The following ACADSB variants were observed in gnomAD, a reference collection of about 807,000 sequenced individuals.
ACADSB encodes the protein acyl-CoA dehydrogenase short/branched chain, also known as short/branched chain specific acyl-CoA dehydrogenase, mitochondrial.
A neutral mutation model predicts 54.1 loss-of-function variants in ACADSB; 40 were observed. That is an observed-to-expected ratio of 0.74 (90% CI 0.57 to 0.96). The LOEUF is 0.96. ACADSB is among the 40% of genes least tolerant of loss of function. The pLI is 0.00. For synonymous variants in ACADSB, 182 were observed against 182.8 expected, an observed-to-expected ratio of 1.00 and a Z score of 0.03; for missense variants, 530 against 510.4, an observed-to-expected ratio of 1.04 and a Z score of -0.37.
At position 123,047,204 on chromosome 10, in the gene ACADSB, A is replaced by G. The variant is rs1850572260; in HGVS notation, c.901-5A>G. 1 of 1,596,080 alleles carries G rather than the reference A, an allele frequency of 6.3e-7. No individual in the cohort carries two copies. The highest frequency in any genetic ancestry group is 1.1e-5 in the South Asian group (1 of 90,762). Reference sequence around the variant, plus strand: ...AATTCTGATCTTATTTTTTTGTTTTAACAGATGCTGGGACTGGCGCAAGGA... The same window carrying G: ...AATTCTGATCTTATTTTTTTGTTTTGACAGATGCTGGGACTGGCGCAAGGA... On this transcript the variant is annotated splice_polypyrimidine_tract_variant and splice_region_variant and intron_variant, in intron 7 of 10. Coordinates refer to ENST00000358776, the MANE Select transcript of ACADSB (RefSeq NM_001609.4).
intron 7 of ACADSB, among the ~76,000 whole-genome samples, chr10:123,045,158 TATATATATA>T (rs1211470596): frequency 0.037 from 565 of 15,340 alleles, 15 homozygotes; most frequent in Non-Finnish European, 0.054. Context: ...TATATATATA[TATATATATA>T]TATATTTTTT....
intron 1 of ACADSB, among the ~76,000 whole-genome samples, chr10:123,031,067 A>G (rs1443642362): frequency 6.6e-6 from 1 of 152,234 alleles, no homozygotes; most frequent in Non-Finnish European, 1.5e-5. Context: ...GTGAATTTGA[A>G]GTAGTGAAGA....
chr10:123,045,151 ATATATATATATATATATATAT>A (rs1221836953), intron 7 of ACADSB, among the ~76,000 whole-genome samples: 5 of 8,922 alleles, frequency 5.6e-4, no homozygotes, highest in African/African-American at 1.1e-3. Flanking sequence ...ATATATATAT[ATATATATATATATATATATAT>A]TTTTTTTTTT....
chr10:123,032,310 T>A (rs953146096), intron 1 of ACADSB, among the ~76,000 whole-genome samples: 16 of 152,072 alleles, frequency 1.1e-4, no homozygotes, highest in African/African-American at 3.6e-4. Context: ...TAAACTTAGG[T>A]ACAAAGGTGA....
rs886046781 is a variant in ACADSB, at chr10:123,053,102, G to T, written c.1170G>T (p.Gly390=). 6.2e-7 allele frequency: 1 copy of T among 1,614,062 alleles called. No homozygotes were observed. Among genetic ancestry groups the T allele is most frequent in the Non-Finnish European group, 8.5e-7 (1 of 1,179,976 alleles). ...CGAGTAAATGTATCGAGTGGATGGG[G>T]GGAGTAGGCTACACCAAAGATTACC... ...QTTSKCIEWM[G]GVGYTKDYPV... Residue 390 remains glycine, a synonymous_variant, in exon 10 of 11, where the codon GGG becomes GGT. Coordinates refer to ENST00000358776, the MANE Select transcript of ACADSB (RefSeq NM_001609.4).
Position 123,034,474 on chromosome 10 carries a change from T to C in ACADSB, c.161T>C (p.Leu54Pro). 6.2e-7 allele frequency: 1 copy of C among 1,612,158 alleles called. No individual in the cohort carries two copies. The highest frequency in any genetic ancestry group is 1.1e-5 in the South Asian group (1 of 91,084). Reference protein sequence around the residue: ...ITNNGIHFAPLQTFTDEEMMI... With the variant: ...ITNNGIHFAPPQTFTDEEMMI... ...AATAATGGAATACACTTTGCTCCCC[T>C]GCAAACATTTACAGATGAGGAAATG... The change falls in exon 2 of 11, where the codon CTG becomes CCG. Residue 54 changes from leucine to proline, a missense_variant. Physicochemically the swap from Leu to Pro is moderately conservative, Grantham distance 98. Coordinates refer to ENST00000358776, the MANE Select transcript of ACADSB (RefSeq NM_001609.4).
chr10:123,051,098 G>C lies in ACADSB; in HGVS notation c.1040G>C (p.Arg347Thr), dbSNP rs779328148. The change falls in exon 9 of 11, where the codon AGA becomes ACA. Residue 347 changes from arginine (R) to threonine (T), a missense_variant. Coordinates refer to ENST00000358776, the MANE Select transcript of ACADSB (RefSeq NM_001609.4). ...GTGGCCACCCAGCTGGAAGCTGCAA[G>C]ATTACTAACATACAATGCTGCTAGG... ...AHVATQLEAA[R>T]LLTYNAARLL... 6.4e-7 allele frequency: 1 copy of C among 1,572,492 alleles called. No individual in the cohort carries two copies. Among genetic ancestry groups the C allele is most frequent in the Non-Finnish European group, 8.6e-7 (1 of 1,160,442 alleles).
rs7082138 is a variant in ACADSB at position 123,038,880 on chromosome 10, C to T, written c.303+1033C>T. Among the ~76,000 whole-genome samples the T allele has an allele frequency of 9.2e-3, 1,397 of 152,240 alleles. 29 individuals are homozygous for T. The highest frequency in any genetic ancestry group is 0.029 in the African/African-American group (1,217 of 41,532). On this transcript the variant is annotated intron_variant, in intron 3 of 10. Transcript: ENST00000358776. Reference sequence around the variant, plus strand: ...TGGACTCTGTGAGTCCATTTCTCAGCCAGGTTTTATTTCTATTGCTTGCAG... The same window carrying T: ...TGGACTCTGTGAGTCCATTTCTCAGTCAGGTTTTATTTCTATTGCTTGCAG...
At chr10:123,022,537 T>C (rs1383871141) in intron 1 of ACADSB, among the ~76,000 whole-genome samples, 1 of 152,244 alleles carries the variant, frequency 6.6e-6, no homozygotes, top group East Asian at 1.9e-4. Context: ...TAAGAGAAAG[T>C]ACCGCACGTG....
intron 1 of ACADSB, among the ~76,000 whole-genome samples, chr10:123,032,612 G>A (rs1221464867): frequency 3.1e-5 from 4 of 127,368 alleles, no homozygotes; most frequent in Admixed American, 1.7e-4. Context: ...TTTTTGAGAC[G>A]GAGTTTCGCT....
chr10:123,045,745 A>C (rs1016412352), intron 7 of ACADSB, among the ~76,000 whole-genome samples: 1 of 152,222 alleles, frequency 6.6e-6, no homozygotes, highest in Non-Finnish European at 1.5e-5. Flanking sequence ...ATGACATTAG[A>C]AACTGCAATA....
chr10:123,037,632 A>G (rs1850416942), intron 2 of ACADSB, 115 bp from the exon 3 acceptor site: 4 of 666,698 alleles, frequency 6.0e-6, no homozygotes, highest in Non-Finnish European at 1.0e-5. Context: ...TTTTAAAAAT[A>G]TAAGAAGGGT....
Position 123,053,116 on chromosome 10 carries a change from C to T in ACADSB, c.1184C>T (p.Thr395Ile), listed in dbSNP as rs752034695. 6.2e-6 allele frequency: 10 copies of T among 1,613,856 alleles called. No individual in the cohort carries two copies. Among genetic ancestry groups the T allele is most frequent in the South Asian group, 2.2e-5 (2 of 91,078 alleles). The change falls in exon 10 of 11, where the codon ACC becomes ATC. Residue 395 changes from threonine (T) to isoleucine (I), a missense_variant. By Grantham distance (89) the Thr-to-Ile change is moderately conservative. Coordinates refer to ENST00000358776, the MANE Select transcript of ACADSB (RefSeq NM_001609.4). Reference sequence around the variant, plus strand: ...GAGTGGATGGGGGGAGTAGGCTACACCAAAGATTACCCTGTGGAGAAATAC... The same window carrying T: ...GAGTGGATGGGGGGAGTAGGCTACATCAAAGATTACCCTGTGGAGAAATAC... ...CIEWMGGVGY[T>I]KDYPVEKYFR...
rs903388708 is a variant in ACADSB at position 123,054,961 on chromosome 10, C to T, written c.*1196C>T. On this transcript the variant is annotated 3_prime_UTR_variant, in exon 11 of 11. Coordinates refer to ENST00000358776, the MANE Select transcript of ACADSB (RefSeq NM_001609.4). ...ATTCTCAAGAAAAAGATCTCTTGCC[C>T]ATTAAGAAGTGTATCAAAATCTCAT... The T allele has an allele frequency of 1.3e-5, 2 of 152,070 alleles. No homozygotes were observed. Among genetic ancestry groups the T allele is most frequent in the African/African-American group, 4.8e-5 (2 of 41,394 alleles). The allele number at this position is 152,070 out of a possible 1,614,324, so 9.4% of individuals were successfully genotyped here.
intron 1 of ACADSB, among the ~76,000 whole-genome samples, chr10:123,030,246 C>T (rs1432731858): frequency 2.0e-5 from 3 of 152,190 alleles, no homozygotes; most frequent in Non-Finnish European, 4.4e-5. Context: ...TCCTTTCTAG[C>T]TGGGCACGGT....
chr10:123,039,445 T>C (rs2133479543), intron 3 of ACADSB, among the ~76,000 whole-genome samples: 1 of 152,314 alleles, frequency 6.6e-6, no homozygotes, highest in Middle Eastern at 3.4e-3. Context: ...CTTTGTGAAA[T>C]TGAGAGTACT....
At chr10:123,027,736 C>A in intron 1 of ACADSB, 1 of 259,118 alleles carries the variant, frequency 3.9e-6, no homozygotes, top group Non-Finnish European at 8.2e-6. Context: ...GATATCAATC[C>A]AGTGTCCACA....
intron 1 of ACADSB, among the ~76,000 whole-genome samples, chr10:123,018,832 A>G (rs572649088): frequency 6.6e-6 from 1 of 152,278 alleles, no homozygotes; most frequent in Admixed American, 6.5e-5. Flanking sequence ...CTTATTCACT[A>G]TCACGAGAAC....
At chr10:123,029,729 G>C (rs892135894) in intron 1 of ACADSB, among the ~76,000 whole-genome samples, 1 of 152,066 alleles carries the variant, frequency 6.6e-6, no homozygotes, top group African/African-American at 2.4e-5. Flanking sequence ...TTAGTGTTTT[G>C]CCTTTACAAA....
Sources: gnomAD v4.1 joint callset for allele counts (sites outside exome capture counted in the v4.1 genomes callset) on GRCh38, gnomAD v4.1.1 for gene constraint, MANE v1.5 for transcripts, NCBI Gene and HGNC (gene_info 2026-07-23, HGNC 2026-07-21) for gene names.